FANCD2OS: variants seen among roughly 807,000 people sequenced by gnomAD.
FANCD2OS encodes FANCD2 opposite strand, also known as FANCD2 opposite strand protein.
FANCD2OS carries 11 observed loss-of-function variants against 13.2 expected under a neutral mutation model. That is an observed-to-expected ratio of 0.83 (90% CI 0.52 to 1.38). The LOEUF is 1.38. Among genes scored for constraint, FANCD2OS ranks in the 40% most tolerant of loss-of-function variants. The pLI is 0.00. For missense variants in FANCD2OS, 217 were observed against 213.9 expected, an observed-to-expected ratio of 1.01 and a Z score of -0.09; for synonymous variants, 69 against 84.5, an observed-to-expected ratio of 0.82 and a Z score of 1.01.
chr3:10,085,779 C>T, intron 2 of FANCD2OS: 6 of 1,413,514 alleles, frequency 4.2e-6, no homozygotes, highest in Non-Finnish European at 6.0e-6. Context: ...TTTCCAGAAA[C>T]TAAGCTAACC....
chr3:10,092,395 C>A (rs1043091202), intron 2 of FANCD2OS: 33 of 748,258 alleles, frequency 4.4e-5, no homozygotes, highest in Non-Finnish European at 7.7e-5. Flanking sequence ...CCTTTGTCCC[C>A]CTACCCATCC....
chr3:10,097,464 G>T (rs566045120), intron 2 of FANCD2OS, among the ~76,000 whole-genome samples: 50 of 152,326 alleles, frequency 3.3e-4, no homozygotes, highest in Non-Finnish European at 6.2e-4. Context: ...GTTCCATGCT[G>T]AGAAAAAGAA....
At chr3:10,098,681 C>A (rs768793095), downstream of FANCD2OS, 1 of 1,611,052 alleles carries the variant, frequency 6.2e-7, no homozygotes, top group South Asian at 1.1e-5. Context: ...TAAATGTGAT[C>A]ATTATAACCC....
At chr3:10,093,793 C>T (rs566444875) in intron 2 of FANCD2OS, among the ~76,000 whole-genome samples, 1 of 152,294 alleles carries the variant, frequency 6.6e-6, no homozygotes, top group South Asian at 2.1e-4. Context: ...GCTACTTCGC[C>T]ACTCCTCAAG....
At chr3:10,098,448 A>G (rs573087858), downstream of FANCD2OS, among the ~76,000 whole-genome samples, 3 of 152,288 alleles carry the variant, frequency 2.0e-5, no homozygotes, top group South Asian at 2.1e-4. Context: ...AGTCACCAAT[A>G]CAGTCTAGCC....
intron 1 of FANCD2OS, among the ~76,000 whole-genome samples, chr3:10,106,853 C>T (rs746327007): frequency 3.3e-5 from 5 of 152,020 alleles, no homozygotes; most frequent in Admixed American, 6.6e-5. Context: ...TGCGGTGAGC[C>T]GGGATCAAGC....
intron 2 of FANCD2OS, chr3:10,090,239 A>C (rs1694504576): frequency 7.6e-7 from 1 of 1,316,366 alleles, no homozygotes; most frequent in East Asian, 2.3e-5. Context: ...CTTCCCAGGT[A>C]GTTCTAAGCA....
intron 1 of FANCD2OS, among the ~76,000 whole-genome samples, chr3:10,106,944 A>G (rs1458150225): frequency 6.6e-6 from 1 of 152,164 alleles, no homozygotes; most frequent in Non-Finnish European, 1.5e-5. Flanking sequence ...AGACCAGAAG[A>G]CCTGCTCCTG....
At position 10,086,951 on chromosome 3, in the gene FANCD2OS, A is replaced by G. The variant is rs33972700; in HGVS notation, c.*44-5420T>C. Among the ~76,000 whole-genome samples the G allele has an allele frequency of 0.066, 10,024 of 152,200 alleles. 434 individuals are homozygous for G. The highest frequency in any genetic ancestry group is 0.096 in the Non-Finnish European group (6,548 of 68,004). ...TGTCTTCTGCCCTGGCTTTTTCCAT[A>G]CAAAGGTATGGTTTTCTACCAAGAT... On this transcript the variant is annotated intron_variant, in intron 2 of 2. Transcript: ENST00000524279.
chr3:10,099,682 T>TG (rs1481299742), downstream of FANCD2OS: 1 of 152,892 alleles, frequency 6.5e-6, no homozygotes, highest in Non-Finnish European at 1.5e-5. Flanking sequence ...CACTTGAACC[T>TG]GGGAGGTGGA....
intron 1 of FANCD2OS, among the ~76,000 whole-genome samples, 164 bp from the exon 2 acceptor site, chr3:10,104,946 T>C (rs552281935): frequency 6.6e-6 from 1 of 152,160 alleles, no homozygotes; most frequent in Non-Finnish European, 1.5e-5. Context: ...TTTTATTTTA[T>C]TTTATTTTTT....
At chr3:10,082,047 A>G (rs527862925) in intron 2 of FANCD2OS, among the ~76,000 whole-genome samples, 1 of 152,316 alleles carries the variant, frequency 6.6e-6, no homozygotes, top group South Asian at 2.1e-4. Context: ...AGCTATAGGC[A>G]TTTATATCCA....
chr3:10,098,994 C>T (rs370459744), downstream of FANCD2OS: 21 of 1,613,844 alleles, frequency 1.3e-5, no homozygotes, highest in South Asian at 4.4e-5. Context: ...GAAGAAACAA[C>T]GACACAATCT....
rs1695554064 is a variant in FANCD2OS at position 10,108,161 on chromosome 3, G to A, written c.-155C>T. 1 of 152,302 alleles carries A rather than the reference G, an allele frequency of 6.6e-6. No homozygotes were observed. Among genetic ancestry groups the A allele is most frequent in the South Asian group, 2.1e-4 (1 of 4,828 alleles). The allele number at this position is 152,302 out of a possible 1,614,324, so 9.4% of individuals were successfully genotyped here. ...TGGGCCTCCTGGGTCCCTATCCGGG[G>A]GCGGGGACCAGAAGGTTCTGGCTGA... On this transcript the variant is annotated 5_prime_UTR_variant, in exon 1 of 2. Transcript: ENST00000450660.
At chr3:10,083,461 A>G (rs1348030048) in intron 2 of FANCD2OS, 2 of 152,218 alleles carry the variant, frequency 1.3e-5, no homozygotes, top group African/African-American at 4.8e-5. Context: ...GAGCTCTCAC[A>G]TGCTTCTAGG....
intron 2 of FANCD2OS, chr3:10,085,855 GCCCTCCATGTCC>G: frequency 6.2e-7 from 1 of 1,613,756 alleles, no homozygotes; most frequent in Non-Finnish European, 8.5e-7. Context: ...ACTGTATTCA[GCCCTCCATGTCC>G]TTAGTAGCCG....
At chr3:10,102,792 G>A (rs1416506504), downstream of FANCD2OS, 5 of 159,744 alleles carry the variant, frequency 3.1e-5, no homozygotes, top group African/African-American at 1.3e-4. Flanking sequence ...GCAGTGAGCT[G>A]AGATTGTGCC....
At chr3:10,086,019 G>A (rs554557253) in intron 2 of FANCD2OS, 7 of 802,310 alleles carry the variant, frequency 8.7e-6, no homozygotes, top group South Asian at 1.4e-5. Flanking sequence ...TCTTTCAGTA[G>A]TTGTAAAGGA....
At chr3:10,101,723 CAT>C, downstream of FANCD2OS, 1 of 254,668 alleles carries the variant, frequency 3.9e-6, no homozygotes. Flanking sequence ...AACTTGTGGA[CAT>C]CATGGATTGT....
Sources: gnomAD v4.1 joint callset for allele counts (sites outside exome capture counted in the v4.1 genomes callset) on GRCh38, gnomAD v4.1.1 for gene constraint, MANE v1.5 for transcripts, NCBI Gene and HGNC (gene_info 2026-07-23, HGNC 2026-07-21) for gene names.